KDELR1: variants seen among roughly 807,000 people sequenced by gnomAD.
KDELR1 encodes ER lumen protein-retaining receptor 1.
A neutral mutation model predicts 25.5 loss-of-function variants in KDELR1; 16 were observed. The ratio of observed to expected loss-of-function variants is 0.63; its 90% CI spans 0.43 to 0.95. The LOEUF is 0.95. Among genes scored for constraint, KDELR1 ranks in the 40% least tolerant of loss-of-function variants. KDELR1 has a pLI of 0.00. For missense variants in KDELR1, 159 were observed against 265.2 expected (o/e 0.60, Z 2.78); for synonymous variants, 121 against 115.0 (o/e 1.05, Z -0.33).
intron 1 of KDELR1, 85 bp downstream of exon 1, chr19:48,391,182 GC>G (rs1229025892): frequency 8.6e-7 from 1 of 1,167,918 alleles, no homozygotes; most frequent in African/African-American, 1.5e-5. Flanking sequence ...TGCCCCTAGT[GC>G]CCCCAAACCC....
rs1970467081 is a variant in KDELR1 at position 48,382,849 on chromosome 19, A to G, written c.*444T>C. ...TTAGTGGGGGTCGCGGTTCATGGCC[A>G]TGGCAGGAGGTGGGGCAGATGGGTG... On this transcript the variant is annotated 3_prime_UTR_variant, in exon 5 of 5. Transcript: ENST00000330720. The G allele has an allele frequency of 6.4e-6, 1 of 155,350 alleles. No homozygotes were observed. 9.6% of individuals were successfully genotyped at this position (155,350 alleles called of 1,614,324 possible).
chr19:48,391,325 G>T lies in KDELR1; in HGVS notation c.34C>A (p.His12Asn). 1 of 1,558,386 alleles carries T rather than the reference G, an allele frequency of 6.4e-7. No homozygotes were observed. Among genetic ancestry groups the T allele is most frequent in the South Asian group, 1.2e-5 (1 of 84,518 alleles). The change falls in exon 1 of 5, where the codon CAC becomes AAC. Residue 12 changes from histidine to asparagine, a missense_variant. His to Asn is a moderately conservative substitution (Grantham distance 68). Coordinates refer to ENST00000330720, the MANE Select transcript of KDELR1 (RefSeq NM_006801.3). The stretch of plus-strand genomic sequence containing the variant: ...AGTAGCAAGATGATGGCGAGGAGGT[G>T]GGAGAGGTCTCCCAGGAATCGGAAG... ...NLFRFLGDLS[H>N]LLAIILLLLK...
At chr19:48,393,628 G>A (rs1466791160), upstream of KDELR1, among the ~76,000 whole-genome samples, 1 of 152,118 alleles carries the variant, frequency 6.6e-6, no homozygotes, top group African/African-American at 2.4e-5. The surrounding 1 kb of genome is among the most constrained non-coding windows in gnomAD (Gnocchi z 5.6). Context: ...GGGGCTGTGG[G>A]TCTCCCGGCA....
chr19:48,390,723 G>T (rs914657637), intron 1 of KDELR1, 199 bp from the exon 2 acceptor site: 7 of 549,306 alleles, frequency 1.3e-5, no homozygotes, highest in Non-Finnish European at 6.5e-6. Flanking sequence ...AGCCCGCCCC[G>T]CCTGAGCAGG....
rs553244621 is a variant in KDELR1, at chr19:48,391,460, G to T, written c.-102C>A. ...AACGGGTAGCTGGGCTGGGGGGACG[G>T]AAGAGGGACCCTAGGTGCGCTCCGC... On this transcript the variant is annotated 5_prime_UTR_variant, in exon 1 of 5. Coordinates refer to ENST00000330720, the MANE Select transcript of KDELR1 (RefSeq NM_006801.3). The T allele has an allele frequency of 2.2e-6, 2 of 894,856 alleles. No homozygotes were observed. Among genetic ancestry groups the T allele is most frequent in the Admixed American group, 2.1e-5 (1 of 48,046 alleles). 55.4% of individuals were successfully genotyped at this position (894,856 alleles called of 1,614,324 possible). A position where few individuals can be genotyped will look rare whatever the true frequency, so the allele number is the denominator to read the frequency against.
intron 3 of KDELR1, among the ~76,000 whole-genome samples, chr19:48,385,106 C>T (rs916883146): frequency 2.0e-5 from 3 of 152,116 alleles, no homozygotes; most frequent in South Asian, 2.1e-4. Flanking sequence ...AGGCTGGTCT[C>T]GAACTCCTGA....
At chr19:48,386,752 T>A (rs1970500982) in intron 3 of KDELR1, among the ~76,000 whole-genome samples, 2 of 152,170 alleles carry the variant, frequency 1.3e-5, no homozygotes, top group Admixed American at 1.3e-4. Context: ...GCGCCCAGCC[T>A]GATGTCTGAA....
chr19:48,387,724 G>A (rs1970508104), intron 3 of KDELR1: 1 of 151,124 alleles, frequency 6.6e-6, no homozygotes, highest in Non-Finnish European at 1.5e-5. Flanking sequence ...GTCTGAATCT[G>A]TGGCTAAAAT....
intron 3 of KDELR1, among the ~76,000 whole-genome samples, chr19:48,388,652 T>A (rs1480954568): frequency 6.8e-6 from 1 of 147,800 alleles, no homozygotes; most frequent in Non-Finnish European, 1.5e-5. Flanking sequence ...TGCCACTGCC[T>A]CCAGTCTGGG....
chr19:48,387,284 C>T (rs990867443), intron 3 of KDELR1, among the ~76,000 whole-genome samples: 1 of 151,992 alleles, frequency 6.6e-6, no homozygotes, highest in African/African-American at 2.4e-5. Flanking sequence ...GAGCCAAGCC[C>T]AGGATTCCCA....
At chr19:48,386,029 T>C (rs780342255) in intron 3 of KDELR1, among the ~76,000 whole-genome samples, 6 of 152,112 alleles carry the variant, frequency 3.9e-5, no homozygotes, top group African/African-American at 7.2e-5. Context: ...ACCCATTAAA[T>C]TGATGCCCAT....
At chr19:48,388,468 C>T (rs1970512677) in intron 3 of KDELR1, among the ~76,000 whole-genome samples, 1 of 151,738 alleles carries the variant, frequency 6.6e-6, no homozygotes, top group Non-Finnish European at 1.5e-5. Flanking sequence ...AGTGGATCAC[C>T]TGAGGTCAGG....
At chr19:48,392,966 G>A (rs1472896635), upstream of KDELR1, among the ~76,000 whole-genome samples, 2 of 152,224 alleles carry the variant, frequency 1.3e-5, no homozygotes, top group Non-Finnish European at 2.9e-5. Flanking sequence ...GGGGACAGAC[G>A]TGGCTTCCCT....
upstream of KDELR1, among the ~76,000 whole-genome samples, chr19:48,393,103 T>TG (rs1272643978): frequency 1.3e-5 from 2 of 152,138 alleles, no homozygotes; most frequent in Non-Finnish European, 2.9e-5. This position sits in a 1 kb window ranked among gnomAD's most constrained non-coding sequence, Gnocchi z 5.6. Flanking sequence ...CCACGAGTCT[T>TG]GGGTCCCTGA....
intron 3 of KDELR1, among the ~76,000 whole-genome samples, chr19:48,387,596 C>T (rs1480902231): frequency 2.0e-5 from 3 of 150,674 alleles, no homozygotes; most frequent in Middle Eastern, 6.8e-3. Flanking sequence ...GCAGGAGAAA[C>T]GCTTGACCTG....
At chr19:48,396,844 C>G in the KDELR1 span, among the ~76,000 whole-genome samples, 2 of 152,014 alleles carry the variant, frequency 1.3e-5, no homozygotes, top group Admixed American at 6.5e-5. Context: ...GCATGACAGC[C>G]AGGAGAGAAC....
At chr19:48,388,126 T>C (rs1193342617) in intron 3 of KDELR1, among the ~76,000 whole-genome samples, 1 of 152,208 alleles carries the variant, frequency 6.6e-6, no homozygotes, top group Non-Finnish European at 1.5e-5. Flanking sequence ...CCCTATGACA[T>C]AGGAACTGAT....
At position 48,391,179 on chromosome 19, in the gene KDELR1, A is replaced by T. The variant is rs886158163; in HGVS notation, c.91+89T>A. On this transcript the variant is annotated intron_variant, in intron 1 of 4. Coordinates refer to ENST00000330720, the MANE Select transcript of KDELR1 (RefSeq NM_006801.3). ...CAGTGGGGGTGGAACCTGTGCCCCT[A>T]GTGCCCCCAAACCCTTCCTGAGTCC... The T allele has an allele frequency of 3.1e-5, 35 of 1,119,160 alleles. No homozygotes were observed. The Admixed American group carries it at 5.6e-4, about 18-fold the overall frequency. The allele number at this position is 1,119,160 out of a possible 1,614,324, so 69.3% of individuals were successfully genotyped here.
upstream of KDELR1, among the ~76,000 whole-genome samples, chr19:48,394,687 G>A (rs1272687206): frequency 6.6e-6 from 1 of 152,200 alleles, no homozygotes; most frequent in East Asian, 1.9e-4. The surrounding 1 kb of genome is among the most constrained non-coding windows in gnomAD (Gnocchi z 5.1). Context: ...TCCTCGCCTA[G>A]TCCAGGTGGC....
Sources: gnomAD v4.1 joint callset for allele counts (sites outside exome capture counted in the v4.1 genomes callset) on GRCh38, gnomAD v4.1.1 for gene constraint, Gnocchi (gnomAD v3.1) non-coding constraint, MANE v1.5 for transcripts, NCBI Gene and HGNC (gene_info 2026-07-23, HGNC 2026-07-21) for gene names.